GNG7: variants seen among roughly 807,000 people sequenced by gnomAD.
GNG7 encodes G protein subunit gamma 7.
A neutral mutation model predicts 4.0 loss-of-function variants in GNG7; 1 was observed. The ratio of observed to expected loss-of-function variants is 0.25; its 90% CI spans 0.09 to 1.18. GNG7 has a LOEUF of 1.18. GNG7 is among the 50% of genes most tolerant of loss of function. GNG7 has a pLI of 0.50. For missense variants in GNG7, 86 were observed against 91.9 expected (o/e 0.94, Z 0.26); for synonymous variants, 34 against 36.9 (o/e 0.92, Z 0.29).
intron 1 of GNG7, among the ~76,000 whole-genome samples, chr19:2,666,453 G>C (rs143821877): frequency 6.6e-6 from 1 of 152,304 alleles, no homozygotes; most frequent in African/African-American, 2.4e-5. Flanking sequence ...GATTACATAG[G>C]TGTGAGCCAC....
intron 2 of GNG7, among the ~76,000 whole-genome samples, chr19:2,604,770 G>A (rs927035308): frequency 6.6e-6 from 1 of 152,150 alleles, no homozygotes; most frequent in Non-Finnish European, 1.5e-5. Context: ...AGAACAAAGT[G>A]TGGTTTGTTT....
intron 2 of GNG7, among the ~76,000 whole-genome samples, chr19:2,569,251 C>T (rs150092627): frequency 1.6e-4 from 24 of 147,830 alleles, no homozygotes; most frequent in Admixed American, 1.3e-3. Flanking sequence ...CAGTGGATGG[C>T]GATCATCTCC....
intron 2 of GNG7, among the ~76,000 whole-genome samples, chr19:2,582,517 C>G (rs1465164664): frequency 3.3e-5 from 5 of 151,794 alleles, no homozygotes; most frequent in African/African-American, 9.7e-5. Context: ...GGGTCTTGCT[C>G]TGTTGCCCAG....
At chr19:2,600,037 A>G (rs916955879) in intron 2 of GNG7, among the ~76,000 whole-genome samples, 1 of 152,104 alleles carries the variant, frequency 6.6e-6, no homozygotes. Flanking sequence ...TATGGCATGT[A>G]AAAATCTCAA....
At chr19:2,526,702 T>C (rs1364914492) in intron 3 of GNG7, among the ~76,000 whole-genome samples, 1 of 149,882 alleles carries the variant, frequency 6.7e-6, no homozygotes, top group Non-Finnish European at 1.5e-5. Context: ...ATTAATTATA[T>C]AGTTTGATTT....
intron 2 of GNG7, among the ~76,000 whole-genome samples, chr19:2,627,701 A>G (rs942731255): frequency 6.6e-6 from 1 of 152,216 alleles, no homozygotes; most frequent in Non-Finnish European, 1.5e-5. Context: ...GAGGCTGATC[A>G]GCTCCGACCT....
At chr19:2,671,489 G>A (rs563497807) in intron 1 of GNG7, among the ~76,000 whole-genome samples, 5 of 152,224 alleles carry the variant, frequency 3.3e-5, no homozygotes, top group South Asian at 2.1e-4. Flanking sequence ...AGCTTCAGCC[G>A]CCTCCCCGAG....
rs952357016 is a variant in GNG7, at chr19:2,653,899, C to T, written c.-134-7619G>A. On this transcript the variant is annotated intron_variant, in intron 1 of 4. Transcript: ENST00000382159. The surrounding 1 kb of genome is among the most constrained non-coding windows in gnomAD (Gnocchi z 4.8). ...CTCGCCCATGGCTAACCTTGGCAGGCATCCCCAACAGAGGCGAGGGGACAG... is the reference window on the plus strand; with the variant it reads ...CTCGCCCATGGCTAACCTTGGCAGGTATCCCCAACAGAGGCGAGGGGACAG... Among the ~76,000 whole-genome samples the T allele has an allele frequency of 2.6e-5, 4 of 152,204 alleles. 1 individual carries two copies. The highest frequency in any genetic ancestry group is 1.3e-4 in the Admixed American group (2 of 15,284).
At position 2,694,041 on chromosome 19, in the gene GNG7, T is replaced by G. The variant is rs191040072; in HGVS notation, c.-135+8605A>C. Among the ~76,000 whole-genome samples, 845 of 152,218 alleles carry G rather than the reference T, an allele frequency of 5.6e-3. 9 individuals are homozygous for G. The highest frequency in any genetic ancestry group is 4.9e-3 in the Non-Finnish European group (335 of 68,022). ...ACTCTGACCTTGAAACGGCAATGTC[T>G]CTATGCCTAAGAAATCTTGGTTGTT... On this transcript the variant is annotated intron_variant, in intron 1 of 4. Transcript: ENST00000382159.
At position 2,618,146 on chromosome 19, in the gene GNG7, G is replaced by A. The variant is rs1981770164; in HGVS notation, c.-78+28078C>T. Among the ~76,000 whole-genome samples the A allele has an allele frequency of 6.6e-6, 1 of 152,106 alleles. No homozygotes were observed. Among genetic ancestry groups the A allele is most frequent in the Admixed American group, 6.6e-5 (1 of 15,264 alleles). On this transcript the variant is annotated intron_variant, in intron 2 of 4. Transcript: ENST00000382159. The surrounding 1 kb of genome is among the most constrained non-coding windows in gnomAD (Gnocchi z 5.1). ...GGCCCCCAGCACCTAGGCTGTCCCT[G>A]GCACACAGTGAGTGTCGGGTCAATA...
At chr19:2,678,994 A>G (rs1301023514) in intron 1 of GNG7, among the ~76,000 whole-genome samples, 1 of 152,182 alleles carries the variant, frequency 6.6e-6, no homozygotes, top group Non-Finnish European at 1.5e-5. Flanking sequence ...CGTTTTCTGA[A>G]TTTGGTCCAC....
At chr19:2,594,405 G>GGGAGGGAAGGAA (rs1980948715) in intron 2 of GNG7, among the ~76,000 whole-genome samples, 1 of 136,760 alleles carries the variant, frequency 7.3e-6, no homozygotes, top group African/African-American at 2.9e-5. Flanking sequence ...GAAAGAAGGA[G>GGGAGGGAAGGAA]GGAAGGAAGG....
intron 3 of GNG7, among the ~76,000 whole-genome samples, chr19:2,523,238 G>A (rs1978319292): frequency 6.6e-6 from 1 of 151,850 alleles, no homozygotes. Flanking sequence ...GGGGCTGGGA[G>A]GGAGATAGGT....
At chr19:2,661,108 G>A (rs768362030) in intron 1 of GNG7, among the ~76,000 whole-genome samples, 19 of 151,434 alleles carry the variant, frequency 1.3e-4, no homozygotes, top group Admixed American at 3.3e-4. Context: ...CTACTAGAGA[G>A]GCTGAGACAG....
At chr19:2,659,791 G>A (rs912450072) in intron 1 of GNG7, among the ~76,000 whole-genome samples, 2 of 149,932 alleles carry the variant, frequency 1.3e-5, no homozygotes, top group Admixed American at 6.7e-5. Flanking sequence ...AGGGATGAGG[G>A]AAGGAAGAGG....
intron 2 of GNG7, among the ~76,000 whole-genome samples, chr19:2,566,578 G>A (rs953757925): frequency 6.6e-6 from 1 of 152,144 alleles, no homozygotes; most frequent in Non-Finnish European, 1.5e-5. Flanking sequence ...AGCAATGGTC[G>A]GGGGACACCT....
At chr19:2,673,001 A>G (rs572852256) in intron 1 of GNG7, among the ~76,000 whole-genome samples, 2 of 151,512 alleles carry the variant, frequency 1.3e-5, no homozygotes, top group Non-Finnish European at 2.9e-5. Context: ...TCATGCCTGT[A>G]ATCCCAGCAC....
chr19:2,543,201 G>A (rs112572005), intron 3 of GNG7, among the ~76,000 whole-genome samples: 15 of 147,032 alleles, frequency 1.0e-4, no homozygotes, highest in African/African-American at 3.8e-4. Flanking sequence ...TTCCATGTAT[G>A]AGACGCCGTG....
At chr19:2,616,904 G>A (rs1981738932) in intron 2 of GNG7, among the ~76,000 whole-genome samples, 1 of 152,164 alleles carries the variant, frequency 6.6e-6, no homozygotes, top group Non-Finnish European at 1.5e-5. Context: ...TCCTCTGACT[G>A]TTTCCTCATC....
Sources: allele counts gnomAD v4.1 joint callset (sites outside exome capture counted in the v4.1 genomes callset), GRCh38; gene constraint gnomAD v4.1.1; non-coding constraint Gnocchi (gnomAD v3.1); transcripts MANE v1.5; gene names NCBI Gene and HGNC (gene_info 2026-07-23, HGNC 2026-07-21).